Variants in ZC3H3 observed in about 807,000 individuals in gnomAD.
The protein encoded by ZC3H3 is zinc finger CCCH-type containing 3, also known as zinc finger CCCH domain-containing protein 3.
In ZC3H3, 36 loss-of-function variants were observed where a neutral mutation model predicts 77.3. The ratio of observed to expected loss-of-function variants is 0.47; its 90% CI spans 0.36 to 0.61. The LOEUF (loss-of-function observed/expected upper bound fraction) is 0.61, where lower values mean the gene tolerates loss of function less well. Among genes scored for constraint, ZC3H3 ranks in the 20% least tolerant of loss-of-function variants. The pLI is 0.00. For synonymous variants in ZC3H3, 626 were observed against 555.2 expected (o/e 1.13, Z -1.79); for missense variants, 1,331 against 1,312.2 (o/e 1.01, Z -0.22).
intron 4 of ZC3H3, among the ~76,000 whole-genome samples, chr8:143,506,052 A>ACCT: frequency 6.6e-6 from 1 of 152,038 alleles, no homozygotes; most frequent in Non-Finnish European, 1.5e-5. Context: ...GCCGGCTGCC[A>ACCT]CCTCCTCCTC....
At chr8:143,475,988 G>A (rs11986221) in intron 4 of ZC3H3, among the ~76,000 whole-genome samples, 39,860 of 152,158 alleles carry the variant, frequency 0.26, 5,373 homozygotes, top group South Asian at 0.34. Flanking sequence ...GTGCTGCAGG[G>A]TAAGGGTCCC....
intron 3 of ZC3H3, among the ~76,000 whole-genome samples, chr8:143,514,005 T>G (rs891283010): frequency 2.0e-5 from 3 of 152,208 alleles, no homozygotes; most frequent in African/African-American, 7.2e-5. Flanking sequence ...CGGCCCAGTC[T>G]GAGTTGTCCC....
At chr8:143,536,015 G>C (rs1822783291) in intron 3 of ZC3H3, among the ~76,000 whole-genome samples, 1 of 152,184 alleles carries the variant, frequency 6.6e-6, no homozygotes, top group Non-Finnish European at 1.5e-5. Flanking sequence ...CCATACCAAG[G>C]GACACACAGA....
At chr8:143,489,781 C>T (rs1242592600) in intron 4 of ZC3H3, among the ~76,000 whole-genome samples, 2 of 152,200 alleles carry the variant, frequency 1.3e-5, no homozygotes, top group South Asian at 2.1e-4. Flanking sequence ...TTAAATCAAG[C>T]GCCTTGCCAA....
chr8:143,537,992 G>T lies in ZC3H3; in HGVS notation c.1364+11C>A. ...CCCTCACACTCTACCGCAGCCGGCC[G>T]GGATGCCCACCTTGTGCTGCTGCGT... On this transcript the variant is annotated intron_variant, in intron 2 of 11. Coordinates refer to ENST00000262577, the MANE Select transcript of ZC3H3 (RefSeq NM_015117.3). The T allele has an allele frequency of 6.3e-7, 1 of 1,587,864 alleles. No individual in the cohort carries two copies.
At chr8:143,472,533 C>T (rs911779959) in intron 5 of ZC3H3, among the ~76,000 whole-genome samples, 2 of 152,226 alleles carry the variant, frequency 1.3e-5, no homozygotes, top group African/African-American at 2.4e-5. Context: ...GCACTCCCTC[C>T]TCCCCAAAGC....
rs1274058647 is a variant in ZC3H3, at chr8:143,468,510, G to A, written c.1977C>T (p.Ile659=). 6 of 1,609,280 alleles carry A rather than the reference G, an allele frequency of 3.7e-6. No homozygotes were observed. Among genetic ancestry groups the A allele is most frequent in the Non-Finnish European group, 5.1e-6 (6 of 1,178,468 alleles). The change falls in exon 7 of 12, where the codon ATC becomes ATT. Residue 659 remains isoleucine (I), a synonymous_variant. Coordinates refer to ENST00000262577, the MANE Select transcript of ZC3H3 (RefSeq NM_015117.3). Reference sequence around the variant, plus strand: ...TCTCCCTGCGCTGCCGCGCCTGCCGGATGATGGCCAGGCTGCGCTGCACTG... The same window carrying A: ...TCTCCCTGCGCTGCCGCGCCTGCCGAATGATGGCCAGGCTGCGCTGCACTG... The part of the protein sequence containing the change: ...SRAVQRSLAI[I]RQARQRREKR...
chr8:143,452,556 C>T (rs972201970), intron 9 of ZC3H3, among the ~76,000 whole-genome samples: 4 of 151,798 alleles, frequency 2.6e-5, no homozygotes, highest in African/African-American at 9.7e-5. Context: ...AAAGACAGAA[C>T]AGCATCACAA....
intron 5 of ZC3H3, among the ~76,000 whole-genome samples, chr8:143,469,171 C>T (rs988571956): frequency 2.0e-5 from 3 of 152,270 alleles, no homozygotes; most frequent in African/African-American, 7.2e-5. Flanking sequence ...ACCCAGGAAG[C>T]TGCCCTGTAA....
chr8:143,527,287 T>C (rs1340366147), intron 3 of ZC3H3, among the ~76,000 whole-genome samples: 1 of 152,154 alleles, frequency 6.6e-6, no homozygotes. Context: ...GTGCCAGCCC[T>C]GGGCTGGGAA....
chr8:143,474,946 G>A (rs1233796162), intron 5 of ZC3H3, among the ~76,000 whole-genome samples: 3 of 152,216 alleles, frequency 2.0e-5, no homozygotes, highest in East Asian at 3.9e-4. Context: ...TCGCCCGGGC[G>A]TGTTTGCCGT....
chr8:143,447,663 G>C (rs1424306127), intron 9 of ZC3H3, among the ~76,000 whole-genome samples: 1 of 152,234 alleles, frequency 6.6e-6, no homozygotes, highest in African/African-American at 2.4e-5. Context: ...TGCTTCTGGG[G>C]AGGCCTCAGG....
rs1368196450 is a variant in ZC3H3 at position 143,539,231 on chromosome 8, T to C, written c.136A>G (p.Ser46Gly). The C allele has an allele frequency of 6.2e-7, 1 of 1,612,816 alleles. No homozygotes were observed. Among genetic ancestry groups the C allele is most frequent in the East Asian group, 2.2e-5 (1 of 44,874 alleles). Residue 46 changes from serine (S) to glycine (G), a missense_variant, in exon 2 of 12, where the codon AGT becomes GGT. Coordinates refer to ENST00000262577, the MANE Select transcript of ZC3H3 (RefSeq NM_015117.3). ...TAGCGGGCACTAAAGGCTCTGCCAC[T>C]GTGGTAAGTGGGTGGCTGCCACCCA... ...ASGWQPPTYH[S>G]GRAFSARYPR...
chr8:143,523,010 C>T (rs535062266), intron 3 of ZC3H3, among the ~76,000 whole-genome samples: 5 of 152,360 alleles, frequency 3.3e-5, no homozygotes, highest in Non-Finnish European at 5.9e-5. Context: ...TTCACATACA[C>T]AGAACCTGAG....
rs1264884001 is a variant in ZC3H3 at position 143,530,026 on chromosome 8, C to T, written c.1561+6231G>A. Among the ~76,000 whole-genome samples, 1 of 152,228 alleles carries T rather than the reference C, an allele frequency of 6.6e-6. No homozygotes were observed. The highest frequency in any genetic ancestry group is 1.5e-5 in the Non-Finnish European group (1 of 68,040). The stretch of plus-strand genomic sequence containing the variant: ...AATGCTGACAGCAGTTCCTCCACAC[C>T]CAGGGGCGGGCACGGCAGACTGAGG... On this transcript the variant is annotated intron_variant, in intron 3 of 11. Coordinates refer to ENST00000262577, the MANE Select transcript of ZC3H3 (RefSeq NM_015117.3). The surrounding 1 kb of genome is among the most constrained non-coding windows in gnomAD (Gnocchi z 4.3).
chr8:143,438,485 C>CAA (rs1436774226), intron 11 of ZC3H3, among the ~76,000 whole-genome samples: 2 of 152,220 alleles, frequency 1.3e-5, no homozygotes, highest in Non-Finnish European at 2.9e-5. Context: ...CTGCCAGACA[C>CAA]ACGAGGCGGC....
At chr8:143,498,957 G>A (rs867214384) in intron 4 of ZC3H3, among the ~76,000 whole-genome samples, 68 of 151,176 alleles carry the variant, frequency 4.5e-4, no homozygotes, top group Middle Eastern at 6.8e-3. Flanking sequence ...GGTACAGGGC[G>A]GGGAAGAGGG....
chr8:143,499,944 C>A (rs961522525), intron 4 of ZC3H3, among the ~76,000 whole-genome samples: 1 of 152,180 alleles, frequency 6.6e-6, no homozygotes, highest in Non-Finnish European at 1.5e-5. Flanking sequence ...TGCTCCTCAC[C>A]GGGGGCTGGC....
intron 4 of ZC3H3, among the ~76,000 whole-genome samples, chr8:143,498,154 C>T (rs555229111): frequency 6.6e-6 from 1 of 152,320 alleles, no homozygotes; most frequent in South Asian, 2.1e-4. Flanking sequence ...GCTACAGCCA[C>T]CTGCCTGGGG....
Sources: gnomAD v4.1 joint callset for allele counts (sites outside exome capture counted in the v4.1 genomes callset) on GRCh38, gnomAD v4.1.1 for gene constraint, Gnocchi (gnomAD v3.1) non-coding constraint, MANE v1.5 for transcripts, NCBI Gene and HGNC (gene_info 2026-07-23, HGNC 2026-07-21) for gene names.